PRUNE2: variants seen among roughly 807,000 people sequenced by gnomAD.
The protein encoded by PRUNE2 is protein prune homolog 2.
PRUNE2 carries 164 observed loss-of-function variants against 252.0 expected under a neutral mutation model. That is an observed-to-expected ratio of 0.65 (90% CI 0.57 to 0.74). The LOEUF (loss-of-function observed/expected upper bound fraction) is 0.74, where lower values mean the gene tolerates loss of function less well. Ranked by LOEUF, PRUNE2 falls within the 30% of genes least tolerant of loss-of-function variation. PRUNE2 has a pLI of 0.00. For synonymous variants in PRUNE2, 1,292 were observed against 1,350.2 expected, an observed-to-expected ratio of 0.96 and a Z score of 0.94; for missense variants, 3,495 against 3,711.0, an observed-to-expected ratio of 0.94 and a Z score of 1.51.
intron 12 of PRUNE2, among the ~76,000 whole-genome samples, chr9:76,644,053 A>C (rs4744800): frequency 0.25 from 38,457 of 151,968 alleles, 5,103 homozygotes; most frequent in African/African-American, 0.31. Context: ...TGACAATGTT[A>C]AATGTGTTGC....
intron 6 of PRUNE2, among the ~76,000 whole-genome samples, chr9:76,720,983 C>T (rs2047595707): frequency 6.6e-6 from 1 of 152,100 alleles, no homozygotes; most frequent in Non-Finnish European, 1.5e-5. Context: ...CGCGTGTAGT[C>T]CCAGCTACTC....
chr9:76,794,726 C>G (rs184076053), intron 6 of PRUNE2, among the ~76,000 whole-genome samples: 1 of 151,978 alleles, frequency 6.6e-6, no homozygotes, highest in South Asian at 2.1e-4. Context: ...AGTAGCTGTC[C>G]GACCTCGAGC....
Position 76,747,298 on chromosome 9 carries a change from C to T in PRUNE2, c.757-33577G>A, listed in dbSNP as rs7852087. Among the ~76,000 whole-genome samples the T allele has an allele frequency of 5.0e-3, 761 of 152,214 alleles. 7 individuals are homozygous for T. Among genetic ancestry groups the T allele is most frequent in the African/African-American group, 0.018 (735 of 41,514 alleles). The stretch of plus-strand genomic sequence containing the variant: ...TCCCATTAAAAGAAAATTCTTTTAA[C>T]GAGAATCAGTGGGTTTTCTGTCTTT... On this transcript the variant is annotated intron_variant, in intron 6 of 18. Coordinates refer to ENST00000376718, the MANE Select transcript of PRUNE2 (RefSeq NM_015225.3).
At chr9:76,789,293 T>G (rs550536450) in intron 6 of PRUNE2, among the ~76,000 whole-genome samples, 1 of 152,166 alleles carries the variant, frequency 6.6e-6, no homozygotes, top group South Asian at 2.1e-4. Flanking sequence ...GATGTAACCA[T>G]AGCAATCACT....
intron 6 of PRUNE2, among the ~76,000 whole-genome samples, chr9:76,750,690 A>C (rs2050532409): frequency 6.6e-6 from 1 of 152,172 alleles, no homozygotes; most frequent in African/African-American, 2.4e-5. Context: ...GGTAAGACAA[A>C]AGGAGGTACT....
At position 76,710,825 on chromosome 9, in the gene PRUNE2, C is replaced by T; in HGVS notation, c.1449G>A (p.Trp483Ter). 1 of 1,557,234 alleles carries T rather than the reference C, an allele frequency of 6.4e-7. No homozygotes were observed. The highest frequency in any genetic ancestry group is 8.7e-7 in the Non-Finnish European group (1 of 1,153,382). ...CGAAGTGCTCACCGTGTTCTCCAGA[C>T]CATGCATGTTCCTCCGCCACCGCCC... ...PEGAVAEEHA[W>*]SGEHGEHFDL... is the part of the protein sequence containing the mutation. Residue 483 changes from tryptophan to a stop codon, truncating the protein, a stop_gained, in exon 8 of 19, where the codon TGG becomes TGA. Coordinates refer to ENST00000376718, the MANE Select transcript of PRUNE2 (RefSeq NM_015225.3). LOFTEE classifies it high-confidence loss of function.
intron 1 of PRUNE2, among the ~76,000 whole-genome samples, chr9:76,855,086 T>A (rs56295913): frequency 0.033 from 4,241 of 127,158 alleles, 74 homozygotes; most frequent in South Asian, 0.039. Context: ...AAAAAAAATA[T>A]ATATATATAT....
In PRUNE2 at chr9:76,805,224, G is replaced by T. The variant is rs143335791; in HGVS notation, c.756+18408C>A. ...AGGCCCCCCACCGCATGCAAGTGAG[G>T]CCACCCTGCATCAGCCAGTCCTAGC... On this transcript the variant is annotated intron_variant, in intron 6 of 18. Coordinates refer to ENST00000376718, the MANE Select transcript of PRUNE2 (RefSeq NM_015225.3). Among the ~76,000 whole-genome samples, 185 of 152,298 alleles carry T rather than the reference G, an allele frequency of 1.2e-3. No homozygotes were observed. In the Middle Eastern group the frequency reaches 0.027, roughly 22 times the overall value.
At chr9:76,854,319 G>T in intron 1 of PRUNE2, 111 bp from the exon 2 acceptor site, 1 of 486,944 alleles carries the variant, frequency 2.1e-6, no homozygotes, top group African/African-American at 2.0e-5. Context: ...CACAATGGCA[G>T]AGAATCATAA....
rs117093281 is a variant in PRUNE2, at chr9:76,626,406, T to G, written c.9150-1916A>C. ...AAAAGGAGCCATGGCTCGTATCCAT[T>G]TGAAATTTGCAAAACATGAAATTGA... On this transcript the variant is annotated intron_variant, in intron 16 of 18. Coordinates refer to ENST00000376718, the MANE Select transcript of PRUNE2 (RefSeq NM_015225.3). Among the ~76,000 whole-genome samples the G allele has an allele frequency of 9.7e-3, 1,476 of 152,350 alleles. 12 individuals are homozygous for G. The highest frequency in any genetic ancestry group is 0.016 in the Non-Finnish European group (1,107 of 68,034).
intron 17 of PRUNE2, among the ~76,000 whole-genome samples, chr9:76,620,290 C>A (rs888501318): frequency 6.6e-6 from 1 of 152,022 alleles, no homozygotes; most frequent in African/African-American, 2.4e-5. Context: ...CAGCTGCATG[C>A]CACCATGCCC....
At chr9:76,838,116 C>T (rs1327403124) in intron 4 of PRUNE2, among the ~76,000 whole-genome samples, 1 of 151,874 alleles carries the variant, frequency 6.6e-6, no homozygotes, top group East Asian at 1.9e-4. Flanking sequence ...TGTATCTGAT[C>T]CTATTCCTTT....
intron 3 of PRUNE2, among the ~76,000 whole-genome samples, chr9:76,846,955 C>T (rs889547460): frequency 6.6e-6 from 1 of 152,186 alleles, no homozygotes; most frequent in Non-Finnish European, 1.5e-5. Flanking sequence ...CACTATTGGG[C>T]TTCCACCACA....
intron 6 of PRUNE2, among the ~76,000 whole-genome samples, chr9:76,805,079 C>CA (rs2056839423): frequency 6.6e-6 from 1 of 152,174 alleles, no homozygotes; most frequent in Non-Finnish European, 1.5e-5. Context: ...TCTCAGCCCC[C>CA]AAAGTTCTCA....
intron 6 of PRUNE2, among the ~76,000 whole-genome samples, chr9:76,809,924 T>C (rs1217778430): frequency 6.6e-6 from 1 of 152,166 alleles, no homozygotes; most frequent in Admixed American, 6.5e-5. Context: ...CATCAACTGG[T>C]CAGATTGGCT....
At chr9:76,768,906 T>C (rs1246106205) in intron 6 of PRUNE2, among the ~76,000 whole-genome samples, 2 of 152,186 alleles carry the variant, frequency 1.3e-5, no homozygotes, top group African/African-American at 2.4e-5. Flanking sequence ...CGCTGTACTT[T>C]ATAAAAAATT....
chr9:76,642,001 T>TAAAAAAAAAAAAAAAAGAAAAA, intron 12 of PRUNE2: 3 of 1,010,458 alleles, frequency 3.0e-6, no homozygotes, highest in Admixed American at 3.4e-5. Context: ...ATAAGAGAAG[T>TAAAAAAAAAAAAAAAAGAAAAA]AAAAAAAAAA....
chr9:76,763,674 G>A (rs76523068), intron 6 of PRUNE2, among the ~76,000 whole-genome samples: 250 of 152,272 alleles, frequency 1.6e-3, no homozygotes, highest in Non-Finnish European at 2.9e-3. Context: ...TAAAAGCCAC[G>A]TTGGTGGATA....
Position 76,703,607 on chromosome 9 carries a change from C to T in PRUNE2, c.8006G>A (p.Gly2669Asp), listed in dbSNP as rs776863123. Residue 2669 changes from glycine (G) to aspartate (D), a missense_variant, in exon 9 of 19, where the codon GGT (glycine) becomes GAT (aspartate). Physicochemically the swap from Gly to Asp is moderately conservative, Grantham distance 94 (BLOSUM62 -1). Transcript: ENST00000376718. Reference sequence around the variant, plus strand: ...CAGAATCTGCAGCTGGGGACCCTCACCCAAGCCGAGTTCAGAGAACGGCTC... The same window carrying T: ...CAGAATCTGCAGCTGGGGACCCTCATCCAAGCCGAGTTCAGAGAACGGCTC... Reference protein sequence around the residue: ...TVEPFSELGLGEGPQLQILEE... With the variant: ...TVEPFSELGLDEGPQLQILEE... The T allele has an allele frequency of 1.2e-6, 2 of 1,612,988 alleles. No homozygotes were observed. Among genetic ancestry groups the T allele is most frequent in the African/African-American group, 1.3e-5 (1 of 74,896 alleles).
Sources: gnomAD v4.1 joint callset for allele counts (sites outside exome capture counted in the v4.1 genomes callset) on GRCh38, gnomAD v4.1.1 for gene constraint, MANE v1.5 for transcripts, NCBI Gene and HGNC (gene_info 2026-07-23, HGNC 2026-07-21) for gene names.